The following AGO3 variants were observed in gnomAD, a reference collection of about 807,000 sequenced individuals.
The protein encoded by AGO3 is argonaute RISC catalytic component 3.
Under a neutral mutation model 105.5 loss-of-function variants are expected in AGO3, and 16 were observed. The observed-to-expected ratio is 0.15, with a 90% CI of 0.10 to 0.23. The LOEUF is 0.23. Ranked by LOEUF, AGO3 falls within the 10% of genes least tolerant of loss-of-function variation. AGO3 has a pLI of 1.00. For missense variants in AGO3, 534 were observed against 1,088.0 expected (o/e 0.49, Z 7.16); for synonymous variants, 340 against 367.3 (o/e 0.93, Z 0.85).
chr1:35,972,186 C>T lies in AGO3; in HGVS notation c.475C>T (p.Pro159Ser), dbSNP rs755952932. The change falls in exon 4 of 19, where the codon CCT (proline) becomes TCT (serine). Residue 159 changes from proline (P) to serine (S), a missense_variant. By Grantham distance (74) the Pro-to-Ser change is moderately conservative. Around this residue, in one of 2 missense-constraint regions of AGO3, gnomAD observed 161 missense variants for 234.0 expected, o/e 0.69. Transcript: ENST00000373191. ...LELDKPISTN[P>S]VHAVDVVLRH... ...ATTAGACAAGCCAATCAGCACTAAC[C>T]CTGTCCATGCCGTTGATGTGGTGCT... 19 of 1,614,048 alleles carry T rather than the reference C, an allele frequency of 1.2e-5. No homozygotes were observed. The highest frequency in any genetic ancestry group is 1.6e-5 in the Non-Finnish European group (19 of 1,180,030).
At chr1:35,946,851 C>A (rs954998988) in intron 2 of AGO3, among the ~76,000 whole-genome samples, 1 of 152,108 alleles carries the variant, frequency 6.6e-6, no homozygotes, top group South Asian at 2.1e-4. Flanking sequence ...CAGGAAGACT[C>A]GTAGAGTGTT....
intron 5 of AGO3, among the ~76,000 whole-genome samples, chr1:35,981,439 A>G (rs1195056344): frequency 3.9e-5 from 6 of 152,122 alleles, no homozygotes; most frequent in East Asian, 1.9e-4. Context: ...CACATCTCCT[A>G]TGCCTCTCAG....
At chr1:35,951,871 T>A (rs1324091029) in intron 2 of AGO3, among the ~76,000 whole-genome samples, 1 of 152,192 alleles carries the variant, frequency 6.6e-6, no homozygotes, top group Non-Finnish European at 1.5e-5. Flanking sequence ...TTTGAATAAC[T>A]TGATGGATAT....
At chr1:36,033,925 G>A (rs927342676) in intron 12 of AGO3, among the ~76,000 whole-genome samples, 29 of 152,086 alleles carry the variant, frequency 1.9e-4, no homozygotes, top group Admixed American at 2.6e-4. Flanking sequence ...TTATGCTATG[G>A]CAAAAATATA....
At chr1:35,948,999 A>G (rs1197204959) in intron 2 of AGO3, among the ~76,000 whole-genome samples, 1 of 151,972 alleles carries the variant, frequency 6.6e-6, no homozygotes, top group African/African-American at 2.4e-5. Flanking sequence ...GCTGGTATGC[A>G]ATGGCACGAT....
At chr1:35,963,962 T>A (rs547611827) in intron 2 of AGO3, among the ~76,000 whole-genome samples, 1 of 147,620 alleles carries the variant, frequency 6.8e-6, no homozygotes, top group East Asian at 2.2e-4. Flanking sequence ...ATATATTCCA[T>A]TGGAAGTTCC....
intron 5 of AGO3, among the ~76,000 whole-genome samples, chr1:35,987,738 C>T (rs1476948550): frequency 6.6e-6 from 1 of 150,430 alleles, no homozygotes; most frequent in African/African-American, 2.4e-5. Context: ...TATAACGTGC[C>T]ATTGGGAGGC....
At chr1:35,936,830 C>T (rs1202429722) in intron 1 of AGO3, among the ~76,000 whole-genome samples, 1 of 152,122 alleles carries the variant, frequency 6.6e-6, no homozygotes, top group African/African-American at 2.4e-5. Context: ...CCTCAGCCTC[C>T]CAAAATGCTG....
intron 11 of AGO3, among the ~76,000 whole-genome samples, chr1:36,017,464 T>A (rs545807374): frequency 1.3e-4 from 20 of 152,350 alleles, no homozygotes; most frequent in Non-Finnish European, 2.5e-4. Context: ...AATTCTATTA[T>A]CTAGCACAAC....
intron 5 of AGO3, among the ~76,000 whole-genome samples, chr1:35,996,095 T>A (rs565324988): frequency 3.3e-5 from 5 of 152,044 alleles, no homozygotes; most frequent in Non-Finnish European, 7.4e-5. Flanking sequence ...TCCCAACACT[T>A]TGGGAGGCCT....
chr1:36,002,742 T>C (rs1230891951), intron 5 of AGO3, among the ~76,000 whole-genome samples: 1 of 151,998 alleles, frequency 6.6e-6, no homozygotes, highest in Non-Finnish European at 1.5e-5. Flanking sequence ...TAAGGAACAT[T>C]TTATGGAGGA....
intron 12 of AGO3, among the ~76,000 whole-genome samples, chr1:36,028,466 A>G (rs977680996): frequency 6.8e-5 from 9 of 133,034 alleles, no homozygotes; most frequent in Non-Finnish European, 9.2e-5. Flanking sequence ...TCATTGTTCA[A>G]TTCCCACCTA....
At chr1:36,023,896 T>C (rs555108524) in intron 11 of AGO3, among the ~76,000 whole-genome samples, 5 of 152,294 alleles carry the variant, frequency 3.3e-5, no homozygotes, top group Non-Finnish European at 5.9e-5. Context: ...TTTTCTCTCT[T>C]CTTCAGATTC....
intron 14 of AGO3, among the ~76,000 whole-genome samples, chr1:36,037,301 C>A (rs1005082006): frequency 1.3e-5 from 2 of 152,060 alleles, no homozygotes; most frequent in African/African-American, 4.8e-5. Context: ...GGGGGTGGAT[C>A]GCTTGACGTC....
At chr1:36,049,302 A>G (rs1356614235) in intron 17 of AGO3, among the ~76,000 whole-genome samples, 4 of 152,010 alleles carry the variant, frequency 2.6e-5, no homozygotes, top group African/African-American at 9.7e-5. Context: ...GGTGAATCAC[A>G]AGGTCAAGAG....
chr1:36,044,147 C>G (rs1642362951), intron 17 of AGO3, among the ~76,000 whole-genome samples: 1 of 152,120 alleles, frequency 6.6e-6, no homozygotes, highest in Non-Finnish European at 1.5e-5. Context: ...GAGTTTGAGA[C>G]CAGCCTGGGC....
chr1:36,013,933 C>T lies in AGO3; in HGVS notation c.1291C>T (p.Pro431Ser). Residue 431 changes from proline (P) to serine (S), a missense_variant, in exon 11 of 19, where the codon CCG becomes TCG. Physicochemically the swap from Pro to Ser is moderately conservative, Grantham distance 74. This residue lies in a region of AGO3 where 373 missense variants were observed against 854.0 expected (regional missense o/e 0.44). Transcript: ENST00000373191. ...CGTGTAGAATCGGACAGTAGCAACA[C>T]CGAGCCATGGAGTATGGGACATGCG... is the stretch of plus-strand genomic sequence containing the variant. ...YGGRNRTVATPSHGVWDMRGK... is the reference protein window; with the variant it reads ...YGGRNRTVATSSHGVWDMRGK... 1 of 1,611,930 alleles carries T rather than the reference C, an allele frequency of 6.2e-7. No homozygotes were observed. The highest frequency in any genetic ancestry group is 8.5e-7 in the Non-Finnish European group (1 of 1,179,204).
In AGO3 at chr1:36,039,857, A is replaced by T. The variant is rs1417975548; in HGVS notation, c.1910A>T (p.Gln637Leu). The T allele has an allele frequency of 6.2e-7, 1 of 1,613,936 alleles. No individual in the cohort carries two copies. The highest frequency in any genetic ancestry group is 1.7e-5 in the Admixed American group (1 of 59,962). ...CATVRVQRPR[Q>L]EIIQDLASMV... is the part of the protein sequence containing the mutation. ...ACAGTAAGAGTTCAGAGACCCCGAC[A>T]GGAGATCATCCAGGACTTGGCCTCC... The change falls in exon 15 of 19, where the codon CAG becomes CTG. Residue 637 changes from glutamine to leucine, a missense_variant. This residue lies in a region of AGO3 where 373 missense variants were observed against 854.0 expected (regional missense o/e 0.44). Coordinates refer to ENST00000373191, the MANE Select transcript of AGO3 (RefSeq NM_024852.4).
intron 14 of AGO3, among the ~76,000 whole-genome samples, chr1:36,038,307 T>G (rs1642101193): frequency 7.3e-6 from 1 of 137,188 alleles, no homozygotes. Context: ...CACGCTGGAA[T>G]GCAGTGGGCG....
Sources: allele counts gnomAD v4.1 joint callset (sites outside exome capture counted in the v4.1 genomes callset), GRCh38; gene constraint gnomAD v4.1.1; regional missense constraint gnomAD v4.1.1; transcripts MANE v1.5; gene names NCBI Gene and HGNC (gene_info 2026-07-23, HGNC 2026-07-21).